NR3C2: variants seen among roughly 807,000 people sequenced by gnomAD.
NR3C2 encodes the protein nuclear receptor subfamily 3 group C member 2, also known as mineralocorticoid receptor.
NR3C2 carries 15 observed loss-of-function variants against 86.4 expected under a neutral mutation model. The ratio of observed to expected loss-of-function variants is 0.17; its 90% CI spans 0.12 to 0.27. NR3C2 has a LOEUF of 0.27. NR3C2 is among the 10% of genes least tolerant of loss of function. The pLI is 1.00. For missense variants in NR3C2, 960 were observed against 1,195.6 expected (o/e 0.80, Z 2.91); for synonymous variants, 458 against 450.5 (o/e 1.02, Z -0.21).
chr4:148,311,155 C>A lies in NR3C2; in HGVS notation c.1758-51038G>T, dbSNP rs574918615. 5.3e-5 allele frequency among the ~76,000 whole-genome samples: 8 copies of A among 152,240 alleles called. No individual in the cohort carries two copies. In the East Asian group the frequency reaches 1.5e-3, roughly 29 times the overall value. On this transcript the variant is annotated intron_variant, in intron 2 of 8. Coordinates refer to ENST00000358102, the MANE Select transcript of NR3C2 (RefSeq NM_000901.5). ...CTTTTGCCAACTCCTCCTTATCTTCCCAGTGGGTTGAATTTCTCTTGGATA... is the reference window on the plus strand; with the variant it reads ...CTTTTGCCAACTCCTCCTTATCTTCACAGTGGGTTGAATTTCTCTTGGATA...
intron 2 of NR3C2, among the ~76,000 whole-genome samples, chr4:148,268,458 C>T (rs901824711): frequency 6.6e-6 from 1 of 152,138 alleles, no homozygotes; most frequent in African/African-American, 2.4e-5. Flanking sequence ...AATTGATGTA[C>T]ACCTTACAAC....
chr4:148,372,503 T>TA lies in NR3C2; in HGVS notation c.1757+62600dup, dbSNP rs1044475527. Among the ~76,000 whole-genome samples the TA allele has an allele frequency of 5.4e-4, 80 of 148,132 alleles. No individual in the cohort carries two copies. The Middle Eastern group carries it at 0.014, about 26-fold the overall frequency. On this transcript the variant is annotated intron_variant, in intron 2 of 8. Coordinates refer to ENST00000358102, the MANE Select transcript of NR3C2 (RefSeq NM_000901.5). ...AACCAAAGAGGCATTCTTAACATGT[T>TA]AAAAAAAAAACCCACTCAAATTGTG...
At chr4:148,178,033 C>T (rs10004472) in intron 4 of NR3C2, among the ~76,000 whole-genome samples, 25,872 of 152,146 alleles carry the variant, frequency 0.17, 2,476 homozygotes, top group African/African-American at 0.24. Context: ...AAAACGTTTT[C>T]GACTCCAAAA....
Position 148,435,155 on chromosome 4 carries a change from C to G in NR3C2, c.1706G>C (p.Arg569Thr). ...SWKSHGDLSSRRSDGYPVLEY... is the reference protein window; with the variant it reads ...SWKSHGDLSSTRSDGYPVLEY... ...TAAGACCGGATACCCATCACTTCTT[C>G]TAGACGACAGGTCGCCGTGTGATTT... Residue 569 changes from arginine (R) to threonine (T), a missense_variant, in exon 2 of 9, where the codon AGA (arginine) becomes ACA (threonine). This residue lies in a region of NR3C2 where 680 missense variants were observed against 719.0 expected (regional missense o/e 0.95). Transcript: ENST00000358102. 1 of 1,614,202 alleles carries G rather than the reference C, an allele frequency of 6.2e-7. No homozygotes were observed. Among genetic ancestry groups the G allele is most frequent in the Non-Finnish European group, 8.5e-7 (1 of 1,180,006 alleles).
intron 2 of NR3C2, among the ~76,000 whole-genome samples, chr4:148,385,509 C>CT (rs1166625865): frequency 1.3e-5 from 2 of 152,292 alleles, no homozygotes; most frequent in East Asian, 3.9e-4. Context: ...TAACTGAAAT[C>CT]TTTTTTTCTT....
intron 2 of NR3C2, among the ~76,000 whole-genome samples, chr4:148,379,909 G>A (rs1214467640): frequency 2.0e-5 from 3 of 151,566 alleles, no homozygotes; most frequent in African/African-American, 7.3e-5. Context: ...CACCTAATTT[G>A]GAAAACTAAA....
intron 2 of NR3C2, among the ~76,000 whole-genome samples, chr4:148,370,860 C>T (rs989053229): frequency 4.6e-5 from 7 of 152,046 alleles, no homozygotes; most frequent in African/African-American, 7.2e-5. Context: ...CCTCCCCGCC[C>T]CCCAATAAGA....
intron 2 of NR3C2, among the ~76,000 whole-genome samples, chr4:148,423,228 A>C (rs373554724): frequency 1.2e-4 from 2 of 16,524 alleles, no homozygotes; most frequent in African/African-American, 2.4e-4. Context: ...TTCCTGAATT[A>C]AAAAAAAAAA....
chr4:148,082,447 C>T (rs555653064), intron 8 of NR3C2, among the ~76,000 whole-genome samples: 7 of 152,178 alleles, frequency 4.6e-5, no homozygotes, highest in Non-Finnish European at 7.4e-5. Flanking sequence ...TCGCCTCACC[C>T]GGGAAGTGCA....
chr4:148,315,025 C>A (rs1458078597), intron 2 of NR3C2, among the ~76,000 whole-genome samples: 1 of 152,126 alleles, frequency 6.6e-6, no homozygotes, highest in Non-Finnish European at 1.5e-5. Flanking sequence ...ATAGAAGTCT[C>A]AAATAACCAG....
At chr4:148,123,514 C>A (rs1732609193) in intron 6 of NR3C2, among the ~76,000 whole-genome samples, 1 of 152,202 alleles carries the variant, frequency 6.6e-6, no homozygotes, top group Non-Finnish European at 1.5e-5. Flanking sequence ...CTTACACCCC[C>A]TCCCCTTTTG....
At chr4:148,159,491 G>T (rs1734557736) in intron 4 of NR3C2, among the ~76,000 whole-genome samples, 1 of 152,108 alleles carries the variant, frequency 6.6e-6, no homozygotes, top group East Asian at 1.9e-4. Context: ...CTTGTTTTCA[G>T]CATTCCAATG....
At chr4:148,167,436 C>A (rs1176120876) in intron 4 of NR3C2, among the ~76,000 whole-genome samples, 2 of 152,120 alleles carry the variant, frequency 1.3e-5, no homozygotes, top group Non-Finnish European at 2.9e-5. Flanking sequence ...CATTTTTAGC[C>A]TTTAGTGATT....
At chr4:148,214,712 G>A (rs1029816129) in intron 3 of NR3C2, among the ~76,000 whole-genome samples, 3 of 152,206 alleles carry the variant, frequency 2.0e-5, no homozygotes, top group African/African-American at 7.2e-5. Context: ...AAGAGCAGCT[G>A]CTACAGCTGC....
chr4:148,154,951 A>G, intron 4 of NR3C2, 50 bp from the exon 5 acceptor site: 1 of 1,411,948 alleles, frequency 7.1e-7, no homozygotes, highest in Middle Eastern at 1.7e-4. Flanking sequence ...TGTTTGAAAT[A>G]TGCTGACTCA....
intron 2 of NR3C2, among the ~76,000 whole-genome samples, chr4:148,307,065 T>G (rs1157423268): frequency 2.0e-5 from 3 of 152,158 alleles, no homozygotes; most frequent in African/African-American, 7.2e-5. Flanking sequence ...TTAGTGTTTT[T>G]AAATTTACTT....
At chr4:148,327,089 T>C (rs184415817) in intron 2 of NR3C2, among the ~76,000 whole-genome samples, 35 of 152,298 alleles carry the variant, frequency 2.3e-4, no homozygotes, top group African/African-American at 8.4e-4. Context: ...ACACGTTACA[T>C]AATGGGGAGA....
intron 4 of NR3C2, among the ~76,000 whole-genome samples, chr4:148,179,723 A>T (rs79366644): frequency 1.2e-4 from 18 of 151,836 alleles, no homozygotes; most frequent in African/African-American, 4.8e-5. Context: ...AAAGAAAAAA[A>T]GTCTTTAAAA....
chr4:148,352,166 C>T (rs746609215), intron 2 of NR3C2, among the ~76,000 whole-genome samples: 1 of 152,164 alleles, frequency 6.6e-6, no homozygotes, highest in African/African-American at 2.4e-5. Flanking sequence ...GAACAGTGTA[C>T]TACCCACTTT....
Sources: gnomAD v4.1 joint callset for allele counts (sites outside exome capture counted in the v4.1 genomes callset) on GRCh38, gnomAD v4.1.1 for gene constraint, gnomAD v4.1.1 regional missense constraint, MANE v1.5 for transcripts, NCBI Gene and HGNC (gene_info 2026-07-23, HGNC 2026-07-21) for gene names.